The following AFF2 variants were observed in gnomAD, a reference collection of about 807,000 sequenced individuals.
AFF2 encodes ALF transcription elongation factor 2.
AFF2 carries 14 observed loss-of-function variants against 76.9 expected under a neutral mutation model. The observed-to-expected ratio is 0.18, with a 90% confidence interval of 0.12 to 0.28. The LOEUF (loss-of-function observed/expected upper bound fraction) is 0.28. AFF2 is among the 10% of genes least tolerant of loss of function. AFF2 has a pLI of 1.00. For missense variants in AFF2, 868 were observed against 1,001.1 expected (o/e 0.87, Z 1.79); for synonymous variants, 398 against 366.7 (o/e 1.09, Z -0.98).
intron 1 of AFF2, among the ~76,000 whole-genome samples, chrX:148,608,800 T>C (rs1445620521): frequency 9.0e-6 from 1 of 111,675 alleles, no homozygotes; most frequent in Admixed American, 9.5e-5. Context: ...TGTCCTGAAA[T>C]CCAATCTTAG....
intron 1 of AFF2, among the ~76,000 whole-genome samples, chrX:148,529,248 G>A (rs1216158983): frequency 8.9e-6 from 1 of 111,810 alleles, no homozygotes; most frequent in Non-Finnish European, 1.9e-5. Context: ...GGCTTTGGTA[G>A]GTTGAGGGAG....
intron 3 of AFF2, among the ~76,000 whole-genome samples, chrX:148,698,078 G>T (rs1260678700): frequency 8.9e-6 from 1 of 112,184 alleles, no homozygotes; most frequent in Non-Finnish European, 1.9e-5. Flanking sequence ...ATACGTGTGT[G>T]TCTAGAGTAC....
chrX:148,870,459 G>T (rs1557277241), intron 7 of AFF2, among the ~76,000 whole-genome samples: 1 of 112,381 alleles, frequency 8.9e-6, no homozygotes. Context: ...CTTTGACCAA[G>T]CCTGGCTTGT....
At chrX:148,975,943 C>CAAAAAA (rs59057839) in intron 16 of AFF2, among the ~76,000 whole-genome samples, 247 of 22,707 alleles carry the variant, frequency 0.011, 11 homozygotes, top group East Asian at 0.033. Context: ...GACTCCGTCT[C>CAAAAAA]AAAAAAAAAA....
At chrX:148,961,789 T>G (rs1344544229) in intron 12 of AFF2, among the ~76,000 whole-genome samples, 1 of 112,920 alleles carries the variant, frequency 8.9e-6, no homozygotes, top group East Asian at 2.8e-4. Context: ...TTGTAGTCAA[T>G]AATCATGAAA....
intron 3 of AFF2, among the ~76,000 whole-genome samples, chrX:148,702,573 G>A (rs2054814671): frequency 9.0e-6 from 1 of 111,708 alleles, no homozygotes; most frequent in East Asian, 2.8e-4. Flanking sequence ...AATATTTAGT[G>A]CTGTCAGGAG....
rs149624699 is a variant in AFF2 at position 148,644,554 on chromosome X, A to T, written c.48-7445A>T. Reference sequence around the variant, plus strand: ...AAGGAATCAACAGATAGGAACTATTAGTGTTATTGTTGTTCTTCTGCACAA... The same window carrying T: ...AAGGAATCAACAGATAGGAACTATTTGTGTTATTGTTGTTCTTCTGCACAA... On this transcript the variant is annotated intron_variant, in intron 1 of 20. Transcript: ENST00000370460. Among the ~76,000 whole-genome samples the T allele has an allele frequency of 4.0e-3, 453 of 112,276 alleles. 1 individual carries two copies. Among genetic ancestry groups the T allele is most frequent in the African/African-American group, 0.013 (402 of 30,953 alleles).
chrX:148,783,164 A>G (rs1050313314), intron 3 of AFF2, among the ~76,000 whole-genome samples: 1 of 111,295 alleles, frequency 9.0e-6, no homozygotes, highest in Non-Finnish European at 1.9e-5. Context: ...GATGCTATTG[A>G]TATTTCCCCC....
intron 3 of AFF2, among the ~76,000 whole-genome samples, chrX:148,671,748 A>G (rs904298151): frequency 1.8e-5 from 2 of 109,841 alleles, no homozygotes; most frequent in Non-Finnish European, 3.8e-5. Flanking sequence ...CTACCAATTC[A>G]GCTGGGGTAT....
chrX:148,754,046 A>T (rs962778479), intron 3 of AFF2, among the ~76,000 whole-genome samples: 1 of 111,614 alleles, frequency 9.0e-6, no homozygotes, highest in African/African-American at 3.3e-5. Flanking sequence ...AGAGCTTCCC[A>T]TCCAATCAAT....
chrX:148,951,902 T>C (rs182202656), intron 9 of AFF2, among the ~76,000 whole-genome samples: 40 of 111,881 alleles, frequency 3.6e-4, no homozygotes, highest in Admixed American at 2.7e-3. Context: ...TCTCTTGATG[T>C]ACTTGACAGA....
At chrX:148,537,546 T>G (rs1377855583) in intron 1 of AFF2, among the ~76,000 whole-genome samples, 3 of 12,916 alleles carry the variant, frequency 2.3e-4, no homozygotes, top group Non-Finnish European at 4.6e-4. Flanking sequence ...ATTTTTTAAG[T>G]TTTTTTTTTT....
At chrX:148,896,047 G>A (rs2071280810) in intron 8 of AFF2, among the ~76,000 whole-genome samples, 1 of 111,558 alleles carries the variant, frequency 9.0e-6, no homozygotes, top group Non-Finnish European at 1.9e-5. Flanking sequence ...GCATGTCCCA[G>A]AATCCCCAAG....
chrX:148,517,289 C>T (rs1472230803), intron 1 of AFF2, among the ~76,000 whole-genome samples: 2 of 112,010 alleles, frequency 1.8e-5, no homozygotes, highest in African/African-American at 6.5e-5. Flanking sequence ...TCCTACCCAG[C>T]CTTCTCTTCA....
At chrX:148,615,373 T>C (rs184953073) in intron 1 of AFF2, among the ~76,000 whole-genome samples, 11 of 112,232 alleles carry the variant, frequency 9.8e-5, no homozygotes, top group African/African-American at 3.2e-4. Flanking sequence ...GAATTTTACA[T>C]TGACAGTGTC....
At chrX:148,711,227 GA>G (rs1402650814) in intron 3 of AFF2, among the ~76,000 whole-genome samples, 3 of 110,892 alleles carry the variant, frequency 2.7e-5, no homozygotes, top group East Asian at 5.7e-4. Context: ...TTCAGCTCTG[GA>G]AAAAAAATCA....
intron 19 of AFF2, among the ~76,000 whole-genome samples, chrX:148,984,156 G>A (rs1007857462): frequency 8.2e-5 from 9 of 109,696 alleles, no homozygotes; most frequent in Admixed American, 2.9e-4. Context: ...GAAGGATGAT[G>A]GTAGAGAAAG....
chrX:148,709,616 G>C (rs1279800956), intron 3 of AFF2, among the ~76,000 whole-genome samples: 1 of 111,946 alleles, frequency 8.9e-6, no homozygotes, highest in Non-Finnish European at 1.9e-5. Flanking sequence ...ACATAGTAGA[G>C]GATTTGCTTT....
intron 7 of AFF2, among the ~76,000 whole-genome samples, chrX:148,865,767 G>A (rs112158590): frequency 3.6e-5 from 4 of 112,022 alleles, no homozygotes; most frequent in African/African-American, 1.3e-4. Flanking sequence ...CCAGTGCACT[G>A]TAGATGTCAT....
Sources: gnomAD v4.1 joint callset for allele counts (sites outside exome capture counted in the v4.1 genomes callset) on GRCh38, gnomAD v4.1.1 for gene constraint, MANE v1.5 for transcripts, NCBI Gene and HGNC (gene_info 2026-07-23, HGNC 2026-07-21) for gene names.